NF1: variants seen among roughly 807,000 people sequenced by gnomAD.
The protein encoded by NF1 is neurofibromin 1, also known as neurofibromin.
A neutral mutation model predicts 325.7 loss-of-function variants in NF1; 122 were observed. The observed-to-expected ratio is 0.37, with a 90% CI of 0.32 to 0.44. The LOEUF (loss-of-function observed/expected upper bound fraction) is 0.44, where lower values mean the gene tolerates loss of function less well. Among genes scored for constraint, NF1 ranks in the 20% least tolerant of loss-of-function variants. NF1 has a pLI of 1.00. For missense variants in NF1, 2,140 were observed against 3,415.4 expected (o/e 0.63, Z 9.31); for synonymous variants, 1,091 against 1,186.0 (o/e 0.92, Z 1.65).
At chr17:31,226,358 C>CACACACACACACAG in intron 17 of NF1, 77 bp from the exon 18 acceptor site, 1 of 1,529,542 alleles carries the variant, frequency 6.5e-7, no homozygotes, top group Non-Finnish European at 8.9e-7. Flanking sequence ...CACACACACA[C>CACACACACACACAG]AGTTTATTGC....
intron 15 of NF1, among the ~76,000 whole-genome samples, chr17:31,223,214 A>G (rs544725511): frequency 4.6e-5 from 7 of 152,284 alleles, no homozygotes; most frequent in African/African-American, 1.2e-4. Context: ...GTTTAATGAA[A>G]CATAGGGGGC....
intron 57 of NF1, chr17:31,361,704 T>C (rs930476931): frequency 2.0e-5 from 3 of 152,236 alleles, no homozygotes; most frequent in Non-Finnish European, 4.4e-5. Flanking sequence ...ATAACTATTC[T>C]GTGATATTCA....
intron 36 of NF1, among the ~76,000 whole-genome samples, chr17:31,285,602 C>G (rs4795592): frequency 0.44 from 66,214 of 151,892 alleles, 16,808 homozygotes; most frequent in African/African-American, 0.7. Context: ...AGTCCCAGCA[C>G]TTTGGGAGGC....
intron 29 of NF1, among the ~76,000 whole-genome samples, chr17:31,242,765 T>C (rs1470912681): frequency 6.6e-6 from 1 of 152,240 alleles, no homozygotes; most frequent in Non-Finnish European, 1.5e-5. Context: ...AGGTCACATA[T>C]CGCTGTCTCT....
Position 31,340,588 on chromosome 17 carries a change from C to T in NF1, c.7005C>T (p.Thr2335=), listed in dbSNP as rs2040793. ...AGGTCAACTTGTATTCAGCAGGTAC[C>T]GCACTTCTTGAACAAAACCTGCATA... The part of the protein sequence containing the change: ...LDEVNLYSAG[T]ALLEQNLHTL... The change falls in exon 47 of 58, where the codon ACC becomes ACT. Residue 2335 remains threonine, a synonymous_variant. Coordinates refer to ENST00000358273, the MANE Select transcript of NF1 (RefSeq NM_001042492.3). 7.4e-6 allele frequency: 12 copies of T among 1,613,894 alleles called. No individual in the cohort carries two copies. The highest frequency in any genetic ancestry group is 3.3e-5 in the South Asian group (3 of 91,086).
intron 13 of NF1, among the ~76,000 whole-genome samples, chr17:31,218,162 A>G (rs369645342): frequency 1.3e-5 from 2 of 152,154 alleles, no homozygotes; most frequent in African/African-American, 2.4e-5. Context: ...TCCAACATGT[A>G]TGTCCTTTAC....
At chr17:31,114,876 A>C (rs1913764424) in intron 1 of NF1, among the ~76,000 whole-genome samples, 1 of 152,094 alleles carries the variant, frequency 6.6e-6, no homozygotes, top group Non-Finnish European at 1.5e-5. Flanking sequence ...AAAAGAATAC[A>C]AATCTTTGGT....
At chr17:31,260,666 T>C (rs2067669681) in intron 34 of NF1, 151 bp downstream of exon 34, 1 of 1,046,710 alleles carries the variant, frequency 9.6e-7, no homozygotes, top group Non-Finnish European at 1.4e-6. Flanking sequence ...TTCAAAAAAA[T>C]ACAAACAAAA....
chr17:31,274,602 A>AC (rs1463226682), intron 36 of NF1, among the ~76,000 whole-genome samples: 1 of 152,172 alleles, frequency 6.6e-6, no homozygotes, highest in Non-Finnish European at 1.5e-5. Flanking sequence ...AAACAAACAA[A>AC]AAAAAACTAC....
chr17:31,357,609 T>A, intron 54 of NF1: 1 of 551,118 alleles, frequency 1.8e-6, no homozygotes, highest in Non-Finnish European at 3.2e-6. Flanking sequence ...TTTATTTTGA[T>A]GATCATTGCT....
intron 36 of NF1, among the ~76,000 whole-genome samples, chr17:31,291,644 C>G (rs1049119106): frequency 6.6e-6 from 1 of 152,078 alleles, no homozygotes; most frequent in Non-Finnish European, 1.5e-5. Context: ...TTTAGGTTAA[C>G]TCTTGACTGA....
chr17:31,253,900 A>T (rs1415666060), intron 31 of NF1: 1 of 152,168 alleles, frequency 6.6e-6, no homozygotes, highest in East Asian at 1.9e-4. Flanking sequence ...TAGTTTTCTT[A>T]AAAGGGTGTA....
chr17:31,230,981 A>G (rs2067104405), intron 24 of NF1, 56 bp downstream of exon 24: 6 of 1,264,224 alleles, frequency 4.7e-6, no homozygotes, highest in Non-Finnish European at 6.8e-6. Flanking sequence ...AGTTATAACT[A>G]CTTAATTACA....
intron 36 of NF1, chr17:31,321,469 AG>A (rs1650158194): frequency 6.6e-6 from 1 of 152,220 alleles, no homozygotes; most frequent in South Asian, 2.1e-4. Context: ...AAAAGGCATA[AG>A]AAAAGCCGTA....
intron 36 of NF1, among the ~76,000 whole-genome samples, chr17:31,278,407 GTTT>G (rs376109355): frequency 1.2e-4 from 13 of 109,542 alleles, no homozygotes; most frequent in African/African-American, 5.2e-4. Flanking sequence ...GATTTTTTGG[GTTT>G]TTTTTTTTTT....
At chr17:31,141,585 A>G (rs1219842995) in intron 1 of NF1, among the ~76,000 whole-genome samples, 1 of 152,160 alleles carries the variant, frequency 6.6e-6, no homozygotes, top group Admixed American at 6.5e-5. Flanking sequence ...TTCAGCACTT[A>G]GACTCACAAT....
chr17:31,266,766 T>C (rs187262844), intron 36 of NF1, among the ~76,000 whole-genome samples: 131 of 151,520 alleles, frequency 8.6e-4, no homozygotes, highest in Middle Eastern at 3.4e-3. Flanking sequence ...GAAACTGTTA[T>C]ATTTGTATTC....
chr17:31,143,566 C>G (rs1597611817), intron 1 of NF1, among the ~76,000 whole-genome samples: 1 of 152,142 alleles, frequency 6.6e-6, no homozygotes, highest in Non-Finnish European at 1.5e-5. Context: ...GCCACCACAC[C>G]TGGCAGCACC....
Position 31,182,502 on chromosome 17 carries a change from A to C in NF1, c.731-6A>C, listed in dbSNP as rs369366499. 779 of 1,613,704 alleles carry C rather than the reference A, an allele frequency of 4.8e-4. No homozygotes were observed. Among genetic ancestry groups the C allele is most frequent in the Non-Finnish European group, 6.1e-4 (715 of 1,179,674 alleles). ...AATAATGTCATTTAATATATTTTTC[A>C]TGCAGAATGTGCAGAAAAGCTATTT... On this transcript the variant is annotated splice_region_variant and splice_polypyrimidine_tract_variant and intron_variant, in intron 7 of 57. Transcript: ENST00000358273.
Sources: allele counts gnomAD v4.1 joint callset (sites outside exome capture counted in the v4.1 genomes callset), GRCh38; gene constraint gnomAD v4.1.1; transcripts MANE v1.5; gene names NCBI Gene and HGNC (gene_info 2026-07-23, HGNC 2026-07-21).